Variants in KIAA0319 observed in about 807,000 individuals in gnomAD.
KIAA0319 encodes dyslexia-associated protein KIAA0319.
KIAA0319 carries 83 observed loss-of-function variants against 108.4 expected under a neutral mutation model. That is an observed-to-expected ratio of 0.77 (90% CI 0.64 to 0.92). KIAA0319 has a LOEUF of 0.92. Ranked by LOEUF, KIAA0319 falls within the 40% of genes least tolerant of loss-of-function variation. The pLI is 0.00. For missense variants in KIAA0319, 1,195 were observed against 1,322.4 expected (o/e 0.90, Z 1.49); for synonymous variants, 484 against 510.4 (o/e 0.95, Z 0.70).
chr6:24,560,434 G>A (rs1581925460), intron 16 of KIAA0319, among the ~76,000 whole-genome samples: 1 of 152,170 alleles, frequency 6.6e-6, no homozygotes, highest in African/African-American at 2.4e-5. Context: ...GGGTTTGGTT[G>A]GCATTTTCCT....
chr6:24,583,578 G>C lies in KIAA0319; in HGVS notation c.1093+26C>G, dbSNP rs1441542505. 2.7e-6 allele frequency: 4 copies of C among 1,508,126 alleles called. No individual in the cohort carries two copies. The South Asian group carries it at 4.5e-5, about 17-fold the overall frequency. The allele number at this position is 1,508,126 out of a possible 1,614,324, so 93.4% of individuals were successfully genotyped here. A position where few individuals can be genotyped will look rare whatever the true frequency, so the allele number is the denominator to read the frequency against. ...AAGAAAAACACCCCAGTTCCTAGTG[G>C]TCAGGGAGGAAGGTTAAACTCTCAC... On this transcript the variant is annotated intron_variant, in intron 5 of 20. Coordinates refer to ENST00000378214, the MANE Select transcript of KIAA0319 (RefSeq NM_014809.4).
chr6:24,641,971 G>A (rs1334295567), intron 1 of KIAA0319, among the ~76,000 whole-genome samples: 2 of 148,230 alleles, frequency 1.3e-5, no homozygotes, highest in African/African-American at 2.5e-5. Flanking sequence ...AGCCAAGATC[G>A]TGGCACTGTA....
At chr6:24,638,892 AAG>A (rs1480846184) in intron 1 of KIAA0319, among the ~76,000 whole-genome samples, 2 of 152,360 alleles carry the variant, frequency 1.3e-5, no homozygotes, top group Non-Finnish European at 2.9e-5. Context: ...GAAATTTGTT[AAG>A]AGAGTAGATC....
chr6:24,595,546 C>CAAAAA (rs60291863), intron 3 of KIAA0319, among the ~76,000 whole-genome samples: 1,132 of 43,182 alleles, frequency 0.026, 115 homozygotes, highest in Non-Finnish European at 0.032. Context: ...GATTCAATCT[C>CAAAAA]AAAAAAAAAA....
At position 24,559,116 on chromosome 6, in the gene KIAA0319, G is replaced by A; in HGVS notation, c.2631C>T (p.Phe877=). Reference sequence around the variant, plus strand: ...CCACTTCAGCAGCTTTGAGAACCTTGAAAGGCGGCCTGCTCTGTACATAAA... The same window carrying A: ...CCACTTCAGCAGCTTTGAGAACCTTAAAAGGCGGCCTGCTCTGTACATAAA... The part of the protein sequence containing the change: ...IVFYVQSRPP[F]KVLKAAEVAR... Residue 877 remains phenylalanine, a synonymous_variant, in exon 17 of 21, where the codon TTC becomes TTT. Coordinates refer to ENST00000378214, the MANE Select transcript of KIAA0319 (RefSeq NM_014809.4). The A allele has an allele frequency of 6.2e-7, 1 of 1,613,698 alleles. No individual in the cohort carries two copies.
intron 1 of KIAA0319, among the ~76,000 whole-genome samples, chr6:24,630,155 GGTGACAGA>G (rs1215661596): frequency 6.6e-6 from 1 of 151,818 alleles, no homozygotes; most frequent in African/African-American, 2.4e-5. Context: ...CTCTAGCCTG[GGTGACAGA>G]GTGAGACTCT....
chr6:24,592,048 C>T (rs1582110137), intron 3 of KIAA0319, among the ~76,000 whole-genome samples: 1 of 152,098 alleles, frequency 6.6e-6, no homozygotes, highest in East Asian at 1.9e-4. Context: ...TTTATTAATT[C>T]AAATTTACCA....
intron 7 of KIAA0319, 99 bp from the exon 8 acceptor site, chr6:24,580,049 C>A: frequency 3.3e-6 from 3 of 905,406 alleles, no homozygotes; most frequent in South Asian, 3.3e-5. Context: ...TTATACATGT[C>A]CTGTCAAGAA....
chr6:24,551,643 C>A (rs758777243), intron 19 of KIAA0319, 118 bp from the exon 20 acceptor site: 2 of 680,674 alleles, frequency 2.9e-6, no homozygotes, highest in Admixed American at 2.6e-5. Flanking sequence ...TGATAGTTGG[C>A]GTCTTTTATT....
Position 24,547,145 on chromosome 6 carries a change from C to T in KIAA0319, c.*20G>A. 2 of 1,613,434 alleles carry T rather than the reference C, an allele frequency of 1.2e-6. No individual in the cohort carries two copies. Among genetic ancestry groups the T allele is most frequent in the Non-Finnish European group, 1.7e-6 (2 of 1,179,504 alleles). On this transcript the variant is annotated 3_prime_UTR_variant, in exon 21 of 21. Transcript: ENST00000378214. ...GTCTTGGATTCAAGGGGTCCTTCCA[C>T]TTTACAATGAACTGCGCCATTATCT...
Position 24,579,854 on chromosome 6 carries a change from A to G in KIAA0319, c.1372+4T>C, listed in dbSNP as rs2127480651. ...AAATCCCTAAACTATCTCAGGATAC[A>G]CACGGCTGCCATCAATGAGGGCTGA... On this transcript the variant is annotated splice_donor_region_variant and intron_variant, in intron 8 of 20. Coordinates refer to ENST00000378214, the MANE Select transcript of KIAA0319 (RefSeq NM_014809.4). 6.3e-7 allele frequency: 1 copy of G among 1,596,074 alleles called. No homozygotes were observed. Among genetic ancestry groups the G allele is most frequent in the Non-Finnish European group, 8.6e-7 (1 of 1,169,568 alleles).
At chr6:24,621,834 A>G (rs1171574031) in intron 1 of KIAA0319, among the ~76,000 whole-genome samples, 1 of 152,224 alleles carries the variant, frequency 6.6e-6, no homozygotes, top group Non-Finnish European at 1.5e-5. Context: ...TGGTGACAGC[A>G]CTGGAGAAGC....
At chr6:24,563,956 C>T (rs760009367) in intron 15 of KIAA0319, among the ~76,000 whole-genome samples, 1 of 152,104 alleles carries the variant, frequency 6.6e-6, no homozygotes, top group Non-Finnish European at 1.5e-5. Flanking sequence ...TCTTTGTCTT[C>T]TGGCAGGAAA....
rs9467233 is a variant in KIAA0319 at position 24,564,361 on chromosome 6, C to T, written c.2293-21G>A. ...ACATCCTGCGAAAGAACACGGATCACAGGGCAGCTGTCAATCCTCGGGTCC... is the reference window on the plus strand; with the variant it reads ...ACATCCTGCGAAAGAACACGGATCATAGGGCAGCTGTCAATCCTCGGGTCC... On this transcript the variant is annotated intron_variant, in intron 14 of 20. Transcript: ENST00000378214. The T allele has an allele frequency of 4.9e-3, 7,937 of 1,613,934 alleles. 227 individuals are homozygous for T. The African/African-American group carries it at 0.075, about 15-fold the overall frequency.
At chr6:24,633,187 C>G (rs1020585417) in intron 1 of KIAA0319, among the ~76,000 whole-genome samples, 4 of 152,126 alleles carry the variant, frequency 2.6e-5, no homozygotes, top group Non-Finnish European at 5.9e-5. Flanking sequence ...GAAGGGTTAG[C>G]AAAGTTCTCA....
chr6:24,581,414 A>G (rs1366120941), intron 6 of KIAA0319, among the ~76,000 whole-genome samples: 1 of 152,182 alleles, frequency 6.6e-6, no homozygotes, highest in African/African-American at 2.4e-5. Context: ...GTGTTGTACC[A>G]TTAGCTGTGT....
At chr6:24,541,320 C>G (rs918242822), downstream of KIAA0319, among the ~76,000 whole-genome samples, 1 of 152,198 alleles carries the variant, frequency 6.6e-6, no homozygotes, top group African/African-American at 2.4e-5. Flanking sequence ...CCCCAGATGT[C>G]TCTCTGCAGG....
At chr6:24,579,504 CAT>C (rs1215498366) in intron 8 of KIAA0319, among the ~76,000 whole-genome samples, 1 of 144,166 alleles carries the variant, frequency 6.9e-6, no homozygotes, top group African/African-American at 2.6e-5. Flanking sequence ...TTATATATCT[CAT>C]ATATATCTTA....
intron 19 of KIAA0319, among the ~76,000 whole-genome samples, chr6:24,553,985 C>T (rs59625418): frequency 0.044 from 6,674 of 152,218 alleles, 424 homozygotes; most frequent in African/African-American, 0.14. Flanking sequence ...ATAACTGAAC[C>T]CAAAGAGGGA....
Sources: allele counts gnomAD v4.1 joint callset (sites outside exome capture counted in the v4.1 genomes callset), GRCh38; gene constraint gnomAD v4.1.1; transcripts MANE v1.5; gene names NCBI Gene and HGNC (gene_info 2026-07-23, HGNC 2026-07-21).